PTPN12: variants seen among roughly 807,000 people sequenced by gnomAD.
PTPN12 encodes tyrosine-protein phosphatase non-receptor type 12.
A neutral mutation model predicts 97.6 loss-of-function variants in PTPN12; 29 were observed. The observed-to-expected ratio is 0.30, with a 90% CI of 0.22 to 0.41. PTPN12 has a LOEUF of 0.41. PTPN12 is among the 10% of genes least tolerant of loss of function. The pLI is 1.00. For missense variants in PTPN12, 819 were observed against 926.0 expected, an observed-to-expected ratio of 0.88 and a Z score of 1.50; for synonymous variants, 327 against 300.4, an observed-to-expected ratio of 1.09 and a Z score of -0.91.
In PTPN12 at chr7:77,619,620, T is replaced by C. The variant is rs545467188; in HGVS notation, c.1025+1055T>C. 6.6e-5 allele frequency among the ~76,000 whole-genome samples: 10 copies of C among 152,356 alleles called. No individual in the cohort carries two copies. In the South Asian group the frequency reaches 1.9e-3, roughly 28 times the overall value. The stretch of plus-strand genomic sequence containing the variant: ...TAGGTCCCATTCCAAATTTTAACTT[T>C]AGCATTTGCCACTGAATGAACTTTG... On this transcript the variant is annotated intron_variant, in intron 12 of 17. Coordinates refer to ENST00000248594, the MANE Select transcript of PTPN12 (RefSeq NM_002835.4).
intron 6 of PTPN12, among the ~76,000 whole-genome samples, chr7:77,596,743 G>C (rs1487920095): frequency 3.3e-5 from 5 of 152,096 alleles, no homozygotes; most frequent in Non-Finnish European, 1.5e-5. Context: ...GCAGTTTTAG[G>C]TTTACAGCAA....
intron 12 of PTPN12, among the ~76,000 whole-genome samples, chr7:77,624,257 A>T (rs1476677756): frequency 6.6e-6 from 1 of 150,800 alleles, no homozygotes; most frequent in Admixed American, 6.6e-5. Flanking sequence ...GCAGAGCAGG[A>T]CCCTGTCTCA....
intron 1 of PTPN12, among the ~76,000 whole-genome samples, chr7:77,545,236 G>C (rs923294526): frequency 6.6e-6 from 1 of 152,108 alleles, no homozygotes; most frequent in African/African-American, 2.4e-5. Context: ...GTGATTACAA[G>C]TGATATCTGT....
chr7:77,601,882 C>T (rs1788199142), intron 8 of PTPN12, among the ~76,000 whole-genome samples: 1 of 152,114 alleles, frequency 6.6e-6, no homozygotes, highest in Non-Finnish European at 1.5e-5. Flanking sequence ...TATTGATACA[C>T]ATTTACTAGA....
At chr7:77,572,968 A>G (rs147824321) in intron 2 of PTPN12, among the ~76,000 whole-genome samples, 2,780 of 151,810 alleles carry the variant, frequency 0.018, 34 homozygotes, top group Middle Eastern at 0.072. Flanking sequence ...CTGTAATTCC[A>G]GCTACTCAGG....
chr7:77,565,735 AATTT>A lies in PTPN12; in HGVS notation c.100-5341_100-5338del, dbSNP rs1291171153. Among the ~76,000 whole-genome samples the A allele has an allele frequency of 2.0e-5, 3 of 152,338 alleles. No individual in the cohort carries two copies. The East Asian group carries it at 5.8e-4, about 29-fold the overall frequency. ...ATTGATTTAGGATTAGGGGAATACA[AATTT>A]AGTGTTTTAGGAAATTGTTTAAAGC... On this transcript the variant is annotated intron_variant, in intron 1 of 17. Transcript: ENST00000248594.
At chr7:77,619,620 T>G (rs545467188) in intron 12 of PTPN12, among the ~76,000 whole-genome samples, 1 of 152,238 alleles carries the variant, frequency 6.6e-6, no homozygotes, top group Non-Finnish European at 1.5e-5. Context: ...ATTTTAACTT[T>G]AGCATTTGCC....
chr7:77,612,129 C>G (rs1788590893), intron 11 of PTPN12, among the ~76,000 whole-genome samples: 1 of 151,994 alleles, frequency 6.6e-6, no homozygotes, highest in Admixed American at 6.6e-5. Flanking sequence ...TTTGTCAGTT[C>G]CCAGAATATT....
At position 77,611,024 on chromosome 7, in the gene PTPN12, C is replaced by A. The variant is rs746678440; in HGVS notation, c.917C>A (p.Ala306Asp). Residue 306 changes from alanine (A) to aspartate (D), a missense_variant, in exon 11 of 18, where the codon GCT (alanine) becomes GAT (aspartate). Ala to Asp is a moderately radical substitution (Grantham distance 126, BLOSUM62 -2). This residue lies in a region of PTPN12 where 607 missense variants were observed against 577.3 expected (regional missense o/e 1.05). Coordinates refer to ENST00000248594, the MANE Select transcript of PTPN12 (RefSeq NM_002835.4). ...CTACAACTATATGAAATTCATGGAG[C>A]TCAGAAAATTGCTGATGGAGTGGTA... is the stretch of plus-strand genomic sequence containing the variant. ...KQLQLYEIHGAQKIADGVNEI... is the reference protein window; with the variant it reads ...KQLQLYEIHGDQKIADGVNEI... 6.2e-7 allele frequency: 1 copy of A among 1,612,832 alleles called. No homozygotes were observed.
At chr7:77,582,241 C>T (rs1047426304) in intron 3 of PTPN12, among the ~76,000 whole-genome samples, 9 of 151,480 alleles carry the variant, frequency 5.9e-5, no homozygotes, top group African/African-American at 1.7e-4. Context: ...GTGATCCACC[C>T]GCCTCTGCCT....
rs568909251 is a variant in PTPN12, at chr7:77,595,805, T to A, written c.493-2037T>A. ...CAACATACACTGTTGTTCTTCATAA[T>A]CCTTGTTCTAAACTATCTGTAGTTT... is the stretch of plus-strand genomic sequence containing the variant. On this transcript the variant is annotated intron_variant, in intron 6 of 17. Transcript: ENST00000248594. Among the ~76,000 whole-genome samples the A allele has an allele frequency of 2.0e-5, 3 of 152,318 alleles. No individual in the cohort carries two copies. The East Asian group carries it at 5.8e-4, about 29-fold the overall frequency.
intron 9 of PTPN12, among the ~76,000 whole-genome samples, chr7:77,610,133 C>T (rs1279593597): frequency 3.3e-5 from 5 of 152,158 alleles, no homozygotes; most frequent in Admixed American, 6.6e-5. Context: ...TTGCAGTAGT[C>T]GCAATTCCAT....
intron 1 of PTPN12, among the ~76,000 whole-genome samples, chr7:77,566,925 TA>T (rs1808288740): frequency 6.6e-6 from 1 of 152,000 alleles, no homozygotes; most frequent in African/African-American, 2.4e-5. Flanking sequence ...TTATATGAAA[TA>T]ATTAAATTAT....
intron 1 of PTPN12, among the ~76,000 whole-genome samples, chr7:77,551,401 C>T (rs1807473177): frequency 6.6e-6 from 1 of 152,188 alleles, no homozygotes; most frequent in African/African-American, 2.4e-5. Context: ...TGGGTGCAAT[C>T]ATTTTGGCAC....
At chr7:77,599,820 T>C (rs1788136726) in intron 7 of PTPN12, among the ~76,000 whole-genome samples, 1 of 152,208 alleles carries the variant, frequency 6.6e-6, no homozygotes, top group Non-Finnish European at 1.5e-5. Context: ...ATTCCGAGTA[T>C]TGCTCTTTCT....
intron 1 of PTPN12, among the ~76,000 whole-genome samples, chr7:77,540,476 CTTTGTGAT>C (rs934596488): frequency 1.3e-5 from 2 of 151,594 alleles, no homozygotes; most frequent in Non-Finnish European, 2.9e-5. Context: ...ATCTGACTGA[CTTTGTGAT>C]CTGCCCGCCT....
intron 1 of PTPN12, among the ~76,000 whole-genome samples, chr7:77,539,909 T>C (rs1028193079): frequency 6.6e-6 from 1 of 152,138 alleles, no homozygotes; most frequent in Admixed American, 6.5e-5. Flanking sequence ...GAACTCCTCA[T>C]CTCAAGTGAT....
At chr7:77,561,768 T>C (rs1293109512) in intron 1 of PTPN12, among the ~76,000 whole-genome samples, 177 of 151,450 alleles carry the variant, frequency 1.2e-3, no homozygotes, top group African/African-American at 4.1e-3. Flanking sequence ...TTTTAATTAA[T>C]TAATTAATTA....
intron 5 of PTPN12, among the ~76,000 whole-genome samples, chr7:77,590,799 A>C (rs1453564188): frequency 6.6e-6 from 1 of 151,972 alleles, no homozygotes; most frequent in African/African-American, 2.4e-5. Context: ...CCTTGCCTTA[A>C]GTCATCCACC....
Sources: allele counts gnomAD v4.1 joint callset (sites outside exome capture counted in the v4.1 genomes callset), GRCh38; gene constraint gnomAD v4.1.1; regional missense constraint gnomAD v4.1.1; transcripts MANE v1.5; gene names NCBI Gene and HGNC (gene_info 2026-07-23, HGNC 2026-07-21).